FOXO3: variants seen among roughly 807,000 people sequenced by gnomAD.
The protein encoded by FOXO3 is forkhead box protein O3.
FOXO3 carries 4 observed loss-of-function variants against 41.9 expected under a neutral mutation model. The ratio of observed to expected loss-of-function variants is 0.10; its 90% CI spans 0.05 to 0.22. The LOEUF (loss-of-function observed/expected upper bound fraction) is 0.22, where lower values mean the gene tolerates loss of function less well. Among genes scored for constraint, FOXO3 ranks in the 10% least tolerant of loss-of-function variants. The pLI is 1.00. For missense variants in FOXO3, 534 were observed against 906.8 expected, an observed-to-expected ratio of 0.59 and a Z score of 5.28; for synonymous variants, 318 against 389.3, an observed-to-expected ratio of 0.82 and a Z score of 2.16.
intron 1 of FOXO3, among the ~76,000 whole-genome samples, chr6:108,615,361 T>C (rs1050215621): frequency 6.6e-6 from 1 of 152,152 alleles, no homozygotes; most frequent in Non-Finnish European, 1.5e-5. Context: ...TGAAAGACAC[T>C]TTTAATAGGT....
At chr6:108,624,012 C>T (rs535695156) in intron 1 of FOXO3, among the ~76,000 whole-genome samples, 55 of 152,274 alleles carry the variant, frequency 3.6e-4, no homozygotes, top group Middle Eastern at 6.8e-3. Flanking sequence ...GATTTTGCAT[C>T]TGAATTGTAT....
intron 1 of FOXO3, among the ~76,000 whole-genome samples, chr6:108,625,044 G>A (rs922896321): frequency 1.3e-5 from 2 of 152,114 alleles, no homozygotes; most frequent in African/African-American, 4.8e-5. Flanking sequence ...AGCCTCCCAA[G>A]CAGCCGGAAT....
At chr6:108,571,440 C>T (rs1363253227) in intron 1 of FOXO3, among the ~76,000 whole-genome samples, 1 of 152,048 alleles carries the variant, frequency 6.6e-6, no homozygotes, top group Non-Finnish European at 1.5e-5. Context: ...AGAATGGTGA[C>T]CTTATTGGGA....
intron 1 of FOXO3, among the ~76,000 whole-genome samples, chr6:108,604,545 G>A (rs1383395357): frequency 6.6e-6 from 1 of 152,112 alleles, no homozygotes; most frequent in African/African-American, 2.4e-5. Flanking sequence ...TTGTGAACAA[G>A]GAATAATCAG....
chr6:108,567,491 T>C (rs1400536172), intron 1 of FOXO3, among the ~76,000 whole-genome samples: 1 of 152,212 alleles, frequency 6.6e-6, no homozygotes, highest in Admixed American at 6.5e-5. Context: ...TATTACTTGT[T>C]GCCTAAAACT....
At chr6:108,666,282 G>A (rs778587815) in intron 2 of FOXO3, among the ~76,000 whole-genome samples, 19 of 152,150 alleles carry the variant, frequency 1.2e-4, no homozygotes, top group Admixed American at 1.0e-3. Flanking sequence ...GCCCAGAGAG[G>A]TTAAGTAGTT....
In FOXO3 at chr6:108,578,561, A is replaced by G. The variant is rs1210988969; in HGVS notation, c.621+16732A>G. Among the ~76,000 whole-genome samples, 7 of 152,246 alleles carry G rather than the reference A, an allele frequency of 4.6e-5. No homozygotes were observed. The East Asian group carries it at 1.3e-3, about 29-fold the overall frequency. On this transcript the variant is annotated intron_variant, in intron 1 of 2. Transcript: ENST00000406360. ...AGGATCCACTCAGGTGTATAGAGGA[A>G]ACCACATGTTCACCTTAGTGCATAT...
intron 1 of FOXO3, among the ~76,000 whole-genome samples, chr6:108,600,546 C>CAAAAAA (rs56888212): frequency 8.4e-5 from 4 of 47,748 alleles, no homozygotes; most frequent in South Asian, 1.0e-3. Flanking sequence ...GTCTCCATCT[C>CAAAAAA]AAAAAAAAAA....
intron 1 of FOXO3, among the ~76,000 whole-genome samples, chr6:108,569,456 A>G (rs1252907826): frequency 1.3e-5 from 2 of 152,218 alleles, no homozygotes; most frequent in Admixed American, 6.5e-5. Flanking sequence ...TAAAACGGAA[A>G]TGTCTGATTG....
rs929961828 is a variant in FOXO3 at position 108,561,592 on chromosome 6, G to C, written c.384G>C (p.Gln128His). The C allele has an allele frequency of 4.6e-6, 7 of 1,507,870 alleles. No homozygotes were observed. In the Admixed American group the frequency reaches 1.3e-4, roughly 27 times the overall value. 93.4% of individuals were successfully genotyped at this position (1,507,870 alleles called of 1,614,324 possible). Residue 128 changes from glutamine to histidine, a missense_variant, in exon 1 of 3, where the codon CAG (glutamine) becomes CAC (histidine). By Grantham distance (24) the Gln-to-His change is conservative. This residue lies in a region of FOXO3 where 139 missense variants were observed against 163.7 expected (regional missense o/e 0.85). Coordinates refer to ENST00000406360, the MANE Select transcript of FOXO3 (RefSeq NM_001455.4). ...GLSGGTQALLQPQQPLPPPQP... is the reference protein window; with the variant it reads ...GLSGGTQALLHPQQPLPPPQP... ...GCGGGGGTACACAGGCGCTGCTGCA[G>C]CCTCAGCAACCGCTGCCACCGCCGC...
upstream of FOXO3, chr6:108,560,160 C>CGGGAAG (rs1306823544): frequency 6.6e-6 from 1 of 152,326 alleles, no homozygotes; most frequent in Non-Finnish European, 1.5e-5. Context: ...TTAAAGGACT[C>CGGGAAG]GGGAAGGGGG....
At chr6:108,580,505 C>T (rs1776385505) in intron 1 of FOXO3, among the ~76,000 whole-genome samples, 1 of 152,126 alleles carries the variant, frequency 6.6e-6, no homozygotes, top group Non-Finnish European at 1.5e-5. Context: ...TCTCTTTACT[C>T]ATGAGGAAAC....
At position 108,664,364 on chromosome 6, in the gene FOXO3, C is replaced by A. The variant is rs1481058472; in HGVS notation, c.1531C>A (p.Leu511Ile). 1.9e-6 allele frequency: 3 copies of A among 1,613,438 alleles called. No individual in the cohort carries two copies. Among genetic ancestry groups the A allele is most frequent in the Non-Finnish European group, 2.5e-6 (3 of 1,179,724 alleles). The change falls in exon 2 of 3, where the codon CTT (leucine) becomes ATT (isoleucine). Residue 511 changes from leucine (L) to isoleucine (I), a missense_variant. Physicochemically the swap from Leu to Ile is conservative, Grantham distance 5. Around this residue, in one of 8 missense-constraint regions of FOXO3, gnomAD observed 94 missense variants for 214.4 expected, o/e 0.44. Coordinates refer to ENST00000406360, the MANE Select transcript of FOXO3 (RefSeq NM_001455.4). ...SAQNSRRNVM[L>I]RNDPMMSFAA... ...CCAGAATTCCCGCCGGAACGTGATG[C>A]TTCGCAATGATCCGATGATGTCCTT... is the stretch of plus-strand genomic sequence containing the variant.
chr6:108,561,983 C>T (rs766861832), intron 1 of FOXO3, among the ~76,000 whole-genome samples, 154 bp downstream of exon 1: 2 of 151,892 alleles, frequency 1.3e-5, no homozygotes, highest in Non-Finnish European at 2.9e-5. Flanking sequence ...TATCTTTGAT[C>T]CCCGGAGTCG....
chr6:108,563,220 G>A (rs910852751), intron 1 of FOXO3, among the ~76,000 whole-genome samples: 1 of 152,176 alleles, frequency 6.6e-6, no homozygotes, highest in East Asian at 1.9e-4. Context: ...GAAAACCCTT[G>A]CAAAGTTAAA....
At chr6:108,661,054 T>C (rs1444138270) in intron 1 of FOXO3, among the ~76,000 whole-genome samples, 2 of 151,686 alleles carry the variant, frequency 1.3e-5, no homozygotes, top group African/African-American at 4.9e-5. Flanking sequence ...AGCGAGACTC[T>C]ATCTCAAATA....
chr6:108,642,387 G>A lies in FOXO3; in HGVS notation c.622-21068G>A, dbSNP rs143013398. On this transcript the variant is annotated intron_variant, in intron 1 of 2. Transcript: ENST00000406360. Reference sequence around the variant, plus strand: ...GTTACAGGTCTGAGCCACCATGCCCGTCCTGAAATTATAAGAAGTATACTT... The same window carrying A: ...GTTACAGGTCTGAGCCACCATGCCCATCCTGAAATTATAAGAAGTATACTT... 2.0e-3 allele frequency among the ~76,000 whole-genome samples: 298 copies of A among 152,112 alleles called. 1 individual carries two copies. Among genetic ancestry groups the A allele is most frequent in the African/African-American group, 6.8e-3 (282 of 41,496 alleles).
chr6:108,645,194 A>T (rs557534821), intron 1 of FOXO3, among the ~76,000 whole-genome samples: 97 of 152,326 alleles, frequency 6.4e-4, no homozygotes, highest in Non-Finnish European at 5.7e-4. Context: ...AAAGTTAGAA[A>T]AGCATAAACT....
At chr6:108,585,838 CT>C (rs1371667640) in intron 1 of FOXO3, among the ~76,000 whole-genome samples, 2 of 152,184 alleles carry the variant, frequency 1.3e-5, no homozygotes, top group African/African-American at 4.8e-5. Context: ...CAAAATCGCT[CT>C]GTGCTTAGAG....
Sources: allele counts gnomAD v4.1 joint callset (sites outside exome capture counted in the v4.1 genomes callset), GRCh38; gene constraint gnomAD v4.1.1; regional missense constraint gnomAD v4.1.1; transcripts MANE v1.5; gene names NCBI Gene and HGNC (gene_info 2026-07-23, HGNC 2026-07-21).